Variants in SYT13 observed in about 807,000 individuals in gnomAD.
The protein encoded by SYT13 is synaptotagmin 13, also known as synaptotagmin-13.
A neutral mutation model predicts 38.6 loss-of-function variants in SYT13; 21 were observed. That is an observed-to-expected ratio of 0.54 (90% confidence interval 0.39 to 0.78). SYT13 has a LOEUF of 0.78. Among genes scored for constraint, SYT13 ranks in the 30% least tolerant of loss-of-function variants. The pLI is 0.00. For missense variants in SYT13, 495 were observed against 548.7 expected (o/e 0.90, Z 0.98); for synonymous variants, 241 against 237.6 (o/e 1.01, Z -0.13).
chr11:45,257,013 T>C (rs1042070566), intron 1 of SYT13, among the ~76,000 whole-genome samples: 16 of 152,198 alleles, frequency 1.1e-4, no homozygotes, highest in African/African-American at 3.6e-4. Context: ...GGCTGCCATA[T>C]TGAATGGTTT....
rs1427230269 is a variant in SYT13 at position 45,240,445 on chromosome 11, C to T, written c.*3607G>A. ...ACACTTAGCATTTGACAACAGGAAACACAGAGGGCAGAAACAAATCACAAG... is the reference window on the plus strand; with the variant it reads ...ACACTTAGCATTTGACAACAGGAAATACAGAGGGCAGAAACAAATCACAAG... On this transcript the variant is annotated 3_prime_UTR_variant, in exon 6 of 6. Transcript: ENST00000020926. 1 of 152,588 alleles carries T rather than the reference C, an allele frequency of 6.6e-6. No individual in the cohort carries two copies. Among genetic ancestry groups the T allele is most frequent in the Non-Finnish European group, 1.5e-5 (1 of 68,032 alleles). The allele number at this position is 152,588 out of a possible 1,614,324, so 9.5% of individuals were successfully genotyped here.
At chr11:45,269,371 C>A in intron 1 of SYT13, 1 of 960,246 alleles carries the variant, frequency 1.0e-6, no homozygotes, top group South Asian at 2.3e-5. Flanking sequence ...CAAAAAACTC[C>A]GTGGGACTGG....
rs1854984178 is a variant in SYT13 at position 45,274,262 on chromosome 11, G to A, written c.183+11763C>T. ...CAAGGCTACAATGTGGTGGGATTAG[G>A]CTAGGCACCTAACCTCACGTTCATT... On this transcript the variant is annotated intron_variant, in intron 1 of 5. Transcript: ENST00000020926. 2.6e-5 allele frequency among the ~76,000 whole-genome samples: 4 copies of A among 152,148 alleles called. No individual in the cohort carries two copies. The South Asian group carries it at 6.2e-4, about 24-fold the overall frequency.
chr11:45,277,399 C>T (rs1328780126), intron 1 of SYT13, among the ~76,000 whole-genome samples: 1 of 152,190 alleles, frequency 6.6e-6, no homozygotes, highest in Non-Finnish European at 1.5e-5. Flanking sequence ...ATAAAAAAAG[C>T]TTTGAAAATA....
At chr11:45,244,741 A>T (rs4755942) in intron 5 of SYT13, among the ~76,000 whole-genome samples, 147,328 of 152,254 alleles carry the variant, frequency 0.97, 71,686 homozygotes, top group African/African-American at 1. Flanking sequence ...CTGGTCTAGA[A>T]GTGGGGATGC....
chr11:45,280,470 T>C (rs1444568026), intron 1 of SYT13, among the ~76,000 whole-genome samples: 1 of 152,186 alleles, frequency 6.6e-6, no homozygotes, highest in African/African-American at 2.4e-5. Flanking sequence ...CACAAACATG[T>C]CACAATATGA....
chr11:45,267,960 C>T (rs1299987698), intron 1 of SYT13, among the ~76,000 whole-genome samples: 6 of 152,086 alleles, frequency 3.9e-5, no homozygotes, highest in East Asian at 3.9e-4. Context: ...TTCTCAAATC[C>T]GCCTCCCTCG....
intron 1 of SYT13, among the ~76,000 whole-genome samples, chr11:45,273,980 T>C (rs1854980446): frequency 6.6e-6 from 1 of 152,206 alleles, no homozygotes; most frequent in Admixed American, 6.5e-5. Flanking sequence ...CATTCTTCCA[T>C]ATAACCTTAG....
chr11:45,246,492 T>G lies in SYT13; in HGVS notation c.867A>C (p.Gly289=). ...GGTAGCTGATGGATAGTAGGACCTC[T>G]CCAGCTCCTGCAGATGGCTCCTGAA... ...TSAKEPSAGA[G]EVLLSISYLP... The change falls in exon 5 of 6, where the codon GGA becomes GGC. Residue 289 remains glycine (G), a synonymous_variant. Coordinates refer to ENST00000020926, the MANE Select transcript of SYT13 (RefSeq NM_020826.3). 1 of 1,614,116 alleles carries G rather than the reference T, an allele frequency of 6.2e-7. No individual in the cohort carries two copies. The highest frequency in any genetic ancestry group is 8.5e-7 in the Non-Finnish European group (1 of 1,180,002).
intron 1 of SYT13, among the ~76,000 whole-genome samples, chr11:45,281,228 T>G (rs2135912313): frequency 6.6e-6 from 1 of 152,204 alleles, no homozygotes; most frequent in East Asian, 1.9e-4. Flanking sequence ...ATTCAGCACT[T>G]ATTTATATTA....
intron 1 of SYT13, among the ~76,000 whole-genome samples, chr11:45,265,402 T>C (rs140198085): frequency 1.7e-3 from 259 of 152,320 alleles, no homozygotes; most frequent in African/African-American, 5.9e-3. Flanking sequence ...TGGGAGCTGT[T>C]CCTGGAGGCC....
intron 1 of SYT13, among the ~76,000 whole-genome samples, chr11:45,267,771 G>C (rs796672198): frequency 6.6e-6 from 1 of 152,136 alleles, no homozygotes; most frequent in African/African-American, 2.4e-5. Flanking sequence ...GTTATTTCTG[G>C]GAGTGGGAGA....
chr11:45,254,763 C>T (rs1854723381), intron 2 of SYT13: 1 of 178,866 alleles, frequency 5.6e-6, no homozygotes, highest in Non-Finnish European at 1.2e-5. Flanking sequence ...GCATAGTACA[C>T]CTAAAGGTGC....
At position 45,252,735 on chromosome 11, in the gene SYT13, A is replaced by G. The variant is rs1292589429; in HGVS notation, c.545-13T>C. 1 of 1,556,944 alleles carries G rather than the reference A, an allele frequency of 6.4e-7. No individual in the cohort carries two copies. ...TTGCTGGTCACAGCTGCAGGCAAGG[A>G]GAACAACACAGGCGTGGGACTTTCT... On this transcript the variant is annotated splice_polypyrimidine_tract_variant and intron_variant, in intron 3 of 5. Transcript: ENST00000020926. The surrounding 1 kb of genome is among the most constrained non-coding windows in gnomAD (Gnocchi z 4.3).
intron 1 of SYT13, among the ~76,000 whole-genome samples, chr11:45,280,102 A>T (rs1855054212): frequency 6.6e-6 from 1 of 152,214 alleles, no homozygotes. Context: ...GCATGTGCTC[A>T]TTAATCTTTG....
At chr11:45,262,855 C>A (rs1366483821) in intron 1 of SYT13, among the ~76,000 whole-genome samples, 2 of 151,804 alleles carry the variant, frequency 1.3e-5, no homozygotes, top group African/African-American at 2.4e-5. Context: ...AGAGAAAAAA[C>A]CCCAAACATC....
chr11:45,255,764 G>C lies in SYT13; in HGVS notation c.311C>G (p.Ser104Cys), dbSNP rs780589479. 2 of 1,614,176 alleles carry C rather than the reference G, an allele frequency of 1.2e-6. No individual in the cohort carries two copies. The highest frequency in any genetic ancestry group is 2.2e-5 in the South Asian group (2 of 91,068). The part of the protein sequence containing the change: ...VINYADYSLR[S>C]TEEPTAPASP... ...GGCAGGTGCAGTGGGCTCCTCCGTA[G>C]ACCTCAGTGAATAGTCTGCATAGTT... The change falls in exon 2 of 6, where the codon TCT becomes TGT. Residue 104 changes from serine to cysteine, a missense_variant. Physicochemically the swap from Ser to Cys is moderately radical, Grantham distance 112. Transcript: ENST00000020926.
chr11:45,251,386 T>TTAAA (rs774285950), intron 4 of SYT13, among the ~76,000 whole-genome samples: 2 of 75,354 alleles, frequency 2.7e-5, no homozygotes, highest in Admixed American at 3.4e-4. Flanking sequence ...AGACTCTGTC[T>TTAAA]AAAAAAAAAA....
chr11:45,243,938 T>C lies in SYT13; in HGVS notation c.*114A>G, dbSNP rs761605589. 7 of 1,164,970 alleles carry C rather than the reference T, an allele frequency of 6.0e-6. No homozygotes were observed. Among genetic ancestry groups the C allele is most frequent in the Non-Finnish European group, 8.5e-6 (7 of 828,170 alleles). 72.2% of individuals were successfully genotyped at this position (1,164,970 alleles called of 1,614,324 possible). On this transcript the variant is annotated 3_prime_UTR_variant, in exon 6 of 6. Coordinates refer to ENST00000020926, the MANE Select transcript of SYT13 (RefSeq NM_020826.3). ...TATGATGAGAGAGCCATCCCAGCCT[T>C]GCAAACACATCTGTCACTGTCTTCT... is the stretch of plus-strand genomic sequence containing the variant.
Sources: allele counts gnomAD v4.1 joint callset (sites outside exome capture counted in the v4.1 genomes callset), GRCh38; gene constraint gnomAD v4.1.1; non-coding constraint Gnocchi (gnomAD v3.1); transcripts MANE v1.5; gene names NCBI Gene and HGNC (gene_info 2026-07-23, HGNC 2026-07-21).